TUBD1: variants seen among roughly 807,000 people sequenced by gnomAD.
TUBD1 encodes the protein tubulin delta 1, also known as tubulin delta chain.
A neutral mutation model predicts 51.2 loss-of-function variants in TUBD1; 38 were observed. That is an observed-to-expected ratio of 0.74 (90% CI 0.57 to 0.97). TUBD1 has a LOEUF of 0.97. TUBD1 is among the 50% of genes least tolerant of loss of function. TUBD1 has a pLI of 0.00. For missense variants in TUBD1, 489 were observed against 538.4 expected (o/e 0.91, Z 0.91); for synonymous variants, 169 against 178.2 (o/e 0.95, Z 0.41).
intron 4 of TUBD1, chr17:59,878,843 C>T (rs2040347713): frequency 6.4e-6 from 1 of 155,128 alleles, no homozygotes; most frequent in Non-Finnish European, 1.4e-5. Context: ...AAGTTAAACA[C>T]TTAGAACAAT....
At chr17:59,869,835 G>T (rs1013199073) in intron 6 of TUBD1, among the ~76,000 whole-genome samples, 1 of 152,092 alleles carries the variant, frequency 6.6e-6, no homozygotes, top group African/African-American at 2.4e-5. Flanking sequence ...ACCTAGTAGT[G>T]ATTTCTAGTT....
At chr17:59,888,521 G>C (rs2040837686) in intron 2 of TUBD1, among the ~76,000 whole-genome samples, 1 of 152,148 alleles carries the variant, frequency 6.6e-6, no homozygotes. Flanking sequence ...AGAGATGTGG[G>C]TGGAGATATC....
At chr17:59,872,726 G>GTGTGTGTGTC (rs1334440914) in intron 6 of TUBD1, among the ~76,000 whole-genome samples, 4 of 149,096 alleles carry the variant, frequency 2.7e-5, no homozygotes, top group African/African-American at 1.0e-4. Context: ...GTGTGTGTGT[G>GTGTGTGTGTC]TGTCTGTGTG....
In TUBD1 at chr17:59,891,039, A is replaced by T; in HGVS notation, c.-37T>A. ...AACTAGGTGTATTACCTCTAAAAACAACCTGTAATCGAAAAAAATACGCTT... is the reference window on the plus strand; with the variant it reads ...AACTAGGTGTATTACCTCTAAAAACTACCTGTAATCGAAAAAAATACGCTT... On this transcript the variant is annotated splice_region_variant and 5_prime_UTR_variant, in exon 2 of 9. The change creates a premature stop within an existing upstream ORF in the 5' untranslated region. Coordinates refer to ENST00000325752, the MANE Select transcript of TUBD1 (RefSeq NM_016261.4). 6.5e-7 allele frequency: 1 copy of T among 1,531,036 alleles called. No individual in the cohort carries two copies. Among genetic ancestry groups the T allele is most frequent in the Non-Finnish European group, 8.8e-7 (1 of 1,135,172 alleles). The allele number at this position is 1,531,036 out of a possible 1,614,324, so 94.8% of individuals were successfully genotyped here.
Position 59,860,253 on chromosome 17 carries a change from A to G in TUBD1, c.*69T>C. On this transcript the variant is annotated 3_prime_UTR_variant, in exon 9 of 9. Coordinates refer to ENST00000325752, the MANE Select transcript of TUBD1 (RefSeq NM_016261.4). ...GGATGGAGAACTTTGAAAACTTTAC[A>G]GAGAAAATAGTATTGAAAATATTTT... The G allele has an allele frequency of 8.8e-7, 1 of 1,140,574 alleles. No individual in the cohort carries two copies. The highest frequency in any genetic ancestry group is 2.4e-5 in the East Asian group (1 of 41,890). 70.7% of individuals were successfully genotyped at this position (1,140,574 alleles called of 1,614,324 possible).
chr17:59,878,040 A>G, intron 5 of TUBD1, 63 bp downstream of exon 5: 2 of 1,341,124 alleles, frequency 1.5e-6, no homozygotes, highest in African/African-American at 2.9e-5. Context: ...GACAGAAAGA[A>G]TAAACTTTGA....
intron 8 of TUBD1, among the ~76,000 whole-genome samples, chr17:59,862,752 T>G (rs2144415545): frequency 2.7e-5 from 3 of 112,462 alleles, no homozygotes; most frequent in Admixed American, 1.1e-4. Context: ...TGAGACGGAG[T>G]CTCGCTCTGT....
At position 59,859,853 on chromosome 17, in the gene TUBD1, C is replaced by A. The variant is rs751628028; in HGVS notation, c.*469G>T. The A allele has an allele frequency of 1.3e-5, 2 of 152,022 alleles. No homozygotes were observed. The highest frequency in any genetic ancestry group is 4.8e-5 in the African/African-American group (2 of 41,354). 9.4% of individuals were successfully genotyped at this position (152,022 alleles called of 1,614,324 possible). ...TTCCCCAAAGTTCTTTATAAAAGCA[C>A]CATTTTTTTTTCTTACAAATGAAAT... is the stretch of plus-strand genomic sequence containing the variant. On this transcript the variant is annotated 3_prime_UTR_variant, in exon 9 of 9. Transcript: ENST00000325752.
chr17:59,888,235 G>A (rs910682661), intron 2 of TUBD1, among the ~76,000 whole-genome samples: 5 of 151,964 alleles, frequency 3.3e-5, no homozygotes, highest in Admixed American at 1.3e-4. Context: ...GCACCCGGCC[G>A]ATGTCTTTTT....
chr17:59,880,032 T>C (rs1598551174), intron 4 of TUBD1, among the ~76,000 whole-genome samples: 3 of 150,006 alleles, frequency 2.0e-5, no homozygotes, highest in East Asian at 2.0e-4. Context: ...GGATTACAGG[T>C]GTGAGCCACT....
chr17:59,868,192 G>A (rs1423143316), intron 6 of TUBD1, among the ~76,000 whole-genome samples: 1 of 146,470 alleles, frequency 6.8e-6, no homozygotes, highest in Non-Finnish European at 1.5e-5. Flanking sequence ...GCTGAGGCAG[G>A]AGAATCGTTT....
chr17:59,890,638 G>A (rs933199057), intron 2 of TUBD1, among the ~76,000 whole-genome samples, 193 bp downstream of exon 2: 3 of 152,198 alleles, frequency 2.0e-5, no homozygotes, highest in Non-Finnish European at 4.4e-5. Flanking sequence ...GTTTTAAATT[G>A]GTGAGATCTG....
intron 1 of TUBD1, 66 bp from the exon 2 acceptor site, chr17:59,891,107 G>A: frequency 3.5e-6 from 3 of 858,448 alleles, no homozygotes; most frequent in Non-Finnish European, 5.4e-6. Flanking sequence ...AAAATGCCAT[G>A]TATGTTAATT....
Position 59,890,871 on chromosome 17 carries a change from T to C in TUBD1, c.132A>G (p.Ala44=), listed in dbSNP as rs1424075340. 1.9e-6 allele frequency: 3 copies of C among 1,613,562 alleles called. No individual in the cohort carries two copies. The highest frequency in any genetic ancestry group is 4.5e-5 in the East Asian group (2 of 44,860). The change falls in exon 2 of 9, where the codon GCA becomes GCG. Residue 44 remains alanine (A), a synonymous_variant. Transcript: ENST00000325752. ...CACTGAAGAATCTTTCTTTGCAAGA[T>C]GCTTGATATGCCTCATTCTCTCTCA... is the stretch of plus-strand genomic sequence containing the variant. The part of the protein sequence containing the change: ...CSMRENEAYQ[A]SCKERFFSEE...
intron 4 of TUBD1, among the ~76,000 whole-genome samples, chr17:59,880,118 C>T (rs1248198343): frequency 1.3e-5 from 2 of 151,126 alleles, no homozygotes; most frequent in African/African-American, 2.4e-5. Context: ...AGTGCAGTGG[C>T]GGGATATCAG....
intron 7 of TUBD1, 60 bp downstream of exon 7, chr17:59,866,549 G>A (rs764338978): frequency 1.9e-6 from 3 of 1,585,108 alleles, no homozygotes; most frequent in Admixed American, 3.7e-5. Context: ...AAAACCATTT[G>A]TACCATATAG....
intron 4 of TUBD1, among the ~76,000 whole-genome samples, chr17:59,880,528 T>C (rs2040435658): frequency 6.6e-6 from 1 of 152,124 alleles, no homozygotes; most frequent in South Asian, 2.1e-4. Flanking sequence ...TATTTATTTT[T>C]TTTTGAGACG....
intron 3 of TUBD1, chr17:59,885,429 G>T (rs1260242585): frequency 9.4e-6 from 12 of 1,277,982 alleles, no homozygotes; most frequent in Non-Finnish European, 1.4e-5. Flanking sequence ...TCATGTTCTG[G>T]GTGGGGGATA....
rs749489393 is a variant in TUBD1 at position 59,886,175 on chromosome 17, C to T, written c.228G>A (p.Met76Ile). 7 of 1,613,644 alleles carry T rather than the reference C, an allele frequency of 4.3e-6. No homozygotes were observed. The African/African-American group carries it at 6.7e-5, about 15-fold the overall frequency. ...GGCCAGACTGGGCAGCCTTTGACAG[C>T]ATTTGATTGATAACTTTGGGTTCCA... ...VDMEPKVINQMLSKAAQSGQW... is the reference protein window; with the variant it reads ...VDMEPKVINQILSKAAQSGQW... Residue 76 changes from methionine (M) to isoleucine (I), a missense_variant, in exon 3 of 9, where the codon ATG (methionine) becomes ATA (isoleucine). Physicochemically the swap from Met to Ile is conservative, Grantham distance 10. Transcript: ENST00000325752.
Sources: allele counts gnomAD v4.1 joint callset (sites outside exome capture counted in the v4.1 genomes callset), GRCh38; gene constraint gnomAD v4.1.1; transcripts MANE v1.5; gene names NCBI Gene and HGNC (gene_info 2026-07-23, HGNC 2026-07-21).